Variants in FRY observed in about 807,000 individuals in gnomAD.
FRY encodes the protein protein furry homolog.
Under a neutral mutation model 348.4 loss-of-function variants are expected in FRY, and 128 were observed. That is an observed-to-expected ratio of 0.37 (90% CI 0.32 to 0.43). The LOEUF is 0.43. FRY is among the 20% of genes least tolerant of loss of function. The probability of loss-of-function intolerance (pLI) is 1.00; values close to 1 mark genes in which losing one functional copy is unlikely to be tolerated. For missense variants in FRY, 2,736 were observed against 3,695.2 expected, an observed-to-expected ratio of 0.74 and a Z score of 6.73; for synonymous variants, 1,370 against 1,374.7, an observed-to-expected ratio of 1.00 and a Z score of 0.08.
Position 32,258,270 on chromosome 13 carries a change from T to C in FRY, c.7417-3346T>C, listed in dbSNP as rs571365162. On this transcript the variant is annotated intron_variant, in intron 51 of 60. Coordinates refer to ENST00000542859, the MANE Select transcript of FRY (RefSeq NM_023037.3). ...TGATCTATGGCAATCCTATCATTTCTCATCAAGTGGTTGCACAACTGGATG... is the reference window on the plus strand; with the variant it reads ...TGATCTATGGCAATCCTATCATTTCCCATCAAGTGGTTGCACAACTGGATG... Among the ~76,000 whole-genome samples the C allele has an allele frequency of 1.5e-3, 221 of 152,348 alleles. 1 individual carries two copies. The highest frequency in any genetic ancestry group is 6.7e-3 in the Admixed American group (102 of 15,310).
At chr13:32,194,712 A>C (rs945299503) in intron 29 of FRY, among the ~76,000 whole-genome samples, 5 of 152,190 alleles carry the variant, frequency 3.3e-5, no homozygotes, top group African/African-American at 1.2e-4. Flanking sequence ...TTTACCCAAA[A>C]CTTCAGAAAG....
intron 35 of FRY, among the ~76,000 whole-genome samples, chr13:32,216,939 T>C (rs1325400753): frequency 6.6e-6 from 1 of 152,204 alleles, no homozygotes; most frequent in African/African-American, 2.4e-5. Context: ...AAAAAGTGAA[T>C]GAAACCAAGC....
intron 11 of FRY, among the ~76,000 whole-genome samples, chr13:32,140,055 A>T (rs925521036): frequency 2.0e-5 from 3 of 151,812 alleles, no homozygotes; most frequent in Admixed American, 6.5e-5. Context: ...ATAAAAATGA[A>T]TATAATATAC....
chr13:32,056,933 A>G (rs1873659816), intron 1 of FRY, among the ~76,000 whole-genome samples: 1 of 152,120 alleles, frequency 6.6e-6, no homozygotes, highest in Non-Finnish European at 1.5e-5. Flanking sequence ...ACCAATTATG[A>G]AAAAAATAAG....
chr13:32,184,101 C>T (rs1379667675), intron 24 of FRY, among the ~76,000 whole-genome samples: 2 of 152,004 alleles, frequency 1.3e-5, no homozygotes, highest in African/African-American at 4.8e-5. Flanking sequence ...ATCACTTGAG[C>T]CCAGGAGTTC....
At chr13:32,131,174 C>T (rs1166229758) in intron 7 of FRY, among the ~76,000 whole-genome samples, 1 of 152,182 alleles carries the variant, frequency 6.6e-6, no homozygotes, top group Admixed American at 6.5e-5. Flanking sequence ...TATCCTACAA[C>T]TATAAAGGAA....
chr13:32,220,702 T>G (rs1390304619), intron 36 of FRY, among the ~76,000 whole-genome samples: 1 of 152,246 alleles, frequency 6.6e-6, no homozygotes, highest in Non-Finnish European at 1.5e-5. Context: ...ATTGGATATA[T>G]ATCTGAAAAC....
At chr13:32,224,504 T>A (rs1885482560) in intron 37 of FRY, 119 bp downstream of exon 37, 1 of 897,836 alleles carries the variant, frequency 1.1e-6, no homozygotes. Context: ...ATCAGTGGGA[T>A]CCTGCCTGAT....
chr13:32,238,008 C>A, intron 44 of FRY, 22 bp downstream of exon 44: 1 of 1,611,182 alleles, frequency 6.2e-7, no homozygotes. Context: ...CTCGTTCACC[C>A]TGTCTCAATT....
At chr13:32,210,187 G>A (rs1301001429) in intron 33 of FRY, among the ~76,000 whole-genome samples, 1 of 152,192 alleles carries the variant, frequency 6.6e-6, no homozygotes. Flanking sequence ...AAGTAAGCAT[G>A]GAGAAATCCT....
chr13:32,204,473 GCTC>G (rs1884237145), intron 31 of FRY, among the ~76,000 whole-genome samples: 1 of 152,168 alleles, frequency 6.6e-6, no homozygotes, highest in African/African-American at 2.4e-5. Flanking sequence ...GGGAAAAAAA[GCTC>G]CTTTTCTAAA....
chr13:32,256,597 T>C (rs759332623), intron 51 of FRY, among the ~76,000 whole-genome samples: 1 of 151,914 alleles, frequency 6.6e-6, no homozygotes, highest in Non-Finnish European at 1.5e-5. Flanking sequence ...TTTATCCAAA[T>C]AAAATAAGGC....
chr13:32,092,531 CTG>C (rs1876384133), intron 2 of FRY, among the ~76,000 whole-genome samples: 1 of 152,154 alleles, frequency 6.6e-6, no homozygotes. Flanking sequence ...TGTTTAAAGT[CTG>C]TATTTTTTTA....
chr13:32,228,328 A>T, intron 39 of FRY, 128 bp from the exon 40 acceptor site: 1 of 803,082 alleles, frequency 1.2e-6, no homozygotes. Flanking sequence ...GCCACAGCCG[A>T]AAGCAACCAT....
At chr13:32,043,231 A>G (rs1164329933) in intron 1 of FRY, among the ~76,000 whole-genome samples, 1 of 152,182 alleles carries the variant, frequency 6.6e-6, no homozygotes, top group Admixed American at 6.5e-5. Context: ...TGCCCCCATG[A>G]TTCACTTATC....
chr13:32,200,678 G>A (rs1039663896), intron 29 of FRY, among the ~76,000 whole-genome samples: 9 of 152,146 alleles, frequency 5.9e-5, no homozygotes, highest in African/African-American at 2.2e-4. Context: ...AATACATATG[G>A]TGAAAAGATA....
At chr13:32,064,990 A>G (rs889082344) in intron 1 of FRY, among the ~76,000 whole-genome samples, 1 of 152,232 alleles carries the variant, frequency 6.6e-6, no homozygotes, top group Non-Finnish European at 1.5e-5. Context: ...GCCAACATTC[A>G]GTTATGCAGA....
At chr13:32,210,287 T>C (rs1435510637) in intron 33 of FRY, among the ~76,000 whole-genome samples, 1 of 152,222 alleles carries the variant, frequency 6.6e-6, no homozygotes, top group Non-Finnish European at 1.5e-5. Context: ...CAATTGGCAT[T>C]TCTGTGCTGG....
chr13:32,068,612 G>A (rs1035233678), intron 1 of FRY, among the ~76,000 whole-genome samples: 23 of 152,170 alleles, frequency 1.5e-4, no homozygotes, highest in African/African-American at 5.6e-4. Flanking sequence ...GGAAGGCAGA[G>A]GAAGACAGAA....
Sources: gnomAD v4.1 joint callset for allele counts (sites outside exome capture counted in the v4.1 genomes callset) on GRCh38, gnomAD v4.1.1 for gene constraint, MANE v1.5 for transcripts, NCBI Gene and HGNC (gene_info 2026-07-23, HGNC 2026-07-21) for gene names.